KANSL1: variants seen among roughly 807,000 people sequenced by gnomAD.
KANSL1 encodes the protein KAT8 regulatory NSL complex subunit 1.
KANSL1 carries 22 observed loss-of-function variants against 103.6 expected under a neutral mutation model. That is an observed-to-expected ratio of 0.21 (90% CI 0.15 to 0.30). KANSL1 has a LOEUF of 0.30. KANSL1 is among the 10% of genes least tolerant of loss of function. KANSL1 has a pLI of 1.00. For missense variants in KANSL1, 1,337 were observed against 1,399.8 expected (o/e 0.96, Z 0.72); for synonymous variants, 600 against 527.6 (o/e 1.14, Z -1.88).
chr17:46,221,287 C>G (rs1441443572), intron 1 of KANSL1: 3 of 152,062 alleles, frequency 2.0e-5, no homozygotes, highest in East Asian at 3.8e-4. Context: ...TGGCTCCATG[C>G]TACACACTAA....
At chr17:46,072,168 G>C (rs1056287832) in intron 4 of KANSL1, among the ~76,000 whole-genome samples, 1 of 151,942 alleles carries the variant, frequency 6.6e-6, no homozygotes, top group Non-Finnish European at 1.5e-5. Context: ...TTTTTACGGG[G>C]GTCGTTTTTT....
chr17:46,042,384 G>GTC (rs2077357258), intron 7 of KANSL1: 1 of 152,154 alleles, frequency 6.6e-6, no homozygotes, highest in Admixed American at 6.5e-5. Context: ...CTTAATCTTT[G>GTC]TAACAGTTCC....
chr17:46,164,687 T>C (rs2045909062), intron 2 of KANSL1, among the ~76,000 whole-genome samples: 1 of 152,250 alleles, frequency 6.6e-6, no homozygotes, highest in Non-Finnish European at 1.5e-5. Context: ...AGTGCTTTGC[T>C]GGGTTCTTTG....
At chr17:46,060,917 A>G (rs2146594362) in intron 6 of KANSL1, among the ~76,000 whole-genome samples, 1 of 152,312 alleles carries the variant, frequency 6.6e-6, no homozygotes, top group South Asian at 2.1e-4. Context: ...TTTGGCCCAG[A>G]GCAATCCCCC....
chr17:46,127,253 A>G (rs534029359), intron 2 of KANSL1, among the ~76,000 whole-genome samples: 51 of 152,266 alleles, frequency 3.3e-4, no homozygotes, highest in Non-Finnish European at 6.0e-4. Flanking sequence ...TGTTCTCTTC[A>G]GGATCTTCCT....
At position 46,056,429 on chromosome 17, in the gene KANSL1, G is replaced by A. The variant is rs567179028; in HGVS notation, c.1849-5725C>T. Among the ~76,000 whole-genome samples, 23 of 151,330 alleles carry A rather than the reference G, an allele frequency of 1.5e-4. 2 individuals carry two copies. In the South Asian group the frequency reaches 4.6e-3, roughly 30 times the overall value. ...CTGCCTGGGTTTGAACCTTGACTCCGCCACTTACTAGCTGTGTGGCCTTAA... is the reference window on the plus strand; with the variant it reads ...CTGCCTGGGTTTGAACCTTGACTCCACCACTTACTAGCTGTGTGGCCTTAA... On this transcript the variant is annotated intron_variant, in intron 6 of 14. Transcript: ENST00000432791.
intron 3 of KANSL1, 60 bp from the exon 4 acceptor site, chr17:46,082,602 TA>T: frequency 1.0e-6 from 1 of 982,888 alleles, no homozygotes; most frequent in Non-Finnish European, 1.6e-6. Flanking sequence ...AAATTTAATT[TA>T]GGAGTTAAGT....
At chr17:46,114,102 T>C (rs9916400) in intron 2 of KANSL1, among the ~76,000 whole-genome samples, 4,469 of 152,292 alleles carry the variant, frequency 0.029, 183 homozygotes, top group African/African-American at 0.09. Context: ...GGCTCACGCC[T>C]GTAATCCCAG....
At chr17:46,111,062 T>C (rs1325622770) in intron 2 of KANSL1, among the ~76,000 whole-genome samples, 3 of 152,236 alleles carry the variant, frequency 2.0e-5, no homozygotes, top group Non-Finnish European at 2.9e-5. Flanking sequence ...TTGTAGTTTT[T>C]TTCCCTTAAA....
intron 4 of KANSL1, 110 bp from the exon 5 acceptor site, chr17:46,067,777 T>C (rs587599122): frequency 3.1e-6 from 2 of 645,622 alleles, no homozygotes; most frequent in East Asian, 5.3e-5. Flanking sequence ...GATGATCAAT[T>C]TGAAAAACAC....
In KANSL1 at chr17:46,062,193, T is replaced by C. The variant is rs148790545; in HGVS notation, c.1848+4344A>G. Among the ~76,000 whole-genome samples, 25 of 146,208 alleles carry C rather than the reference T, an allele frequency of 1.7e-4. 1 individual carries two copies. In the East Asian group the frequency reaches 4.3e-3, roughly 25 times the overall value. On this transcript the variant is annotated intron_variant, in intron 6 of 14. Coordinates refer to ENST00000432791, the MANE Select transcript of KANSL1 (RefSeq NM_015443.4). The stretch of plus-strand genomic sequence containing the variant: ...CTTACAACACTTCTCTGCTCAAAAA[T>C]TTAAAACTTATAGACTGAAACCCAA...
chr17:46,141,981 C>G (rs2044444688), intron 2 of KANSL1, among the ~76,000 whole-genome samples: 1 of 152,164 alleles, frequency 6.6e-6, no homozygotes, highest in Non-Finnish European at 1.5e-5. Context: ...CTCCACCTAC[C>G]AGGTTCAAGC....
chr17:46,091,007 A>C (rs1478846895), intron 3 of KANSL1, among the ~76,000 whole-genome samples: 1 of 152,234 alleles, frequency 6.6e-6, no homozygotes, highest in East Asian at 1.9e-4. Context: ...CTACTCATTA[A>C]AAGAAGTGAA....
At chr17:46,132,345 A>G (rs1465468717) in intron 2 of KANSL1, among the ~76,000 whole-genome samples, 1 of 152,252 alleles carries the variant, frequency 6.6e-6, no homozygotes, top group Non-Finnish European at 1.5e-5. Context: ...CGCTTTGCAC[A>G]ATGCCTGGCA....
chr17:46,213,953 C>T (rs2048256676), intron 1 of KANSL1, among the ~76,000 whole-genome samples: 1 of 151,886 alleles, frequency 6.6e-6, no homozygotes, highest in South Asian at 2.1e-4. Flanking sequence ...ACTAATGTCA[C>T]AAACAATTCT....
chr17:46,148,391 T>C (rs970028381), intron 2 of KANSL1, among the ~76,000 whole-genome samples: 4 of 152,250 alleles, frequency 2.6e-5, no homozygotes, highest in East Asian at 1.9e-4. Flanking sequence ...TATCACCTGG[T>C]TGGACCATGA....
chr17:46,118,293 A>AAC (rs1388567651), intron 2 of KANSL1, among the ~76,000 whole-genome samples: 1 of 152,274 alleles, frequency 6.6e-6, no homozygotes, highest in African/African-American at 2.4e-5. Context: ...ATTGCACACA[A>AAC]ACACAAGATC....
intron 2 of KANSL1, among the ~76,000 whole-genome samples, chr17:46,134,352 G>A (rs543879143): frequency 2.0e-5 from 3 of 152,018 alleles, no homozygotes; most frequent in Non-Finnish European, 4.4e-5. Flanking sequence ...AGCTGAGGTC[G>A]CGCCACTGCA....
At chr17:46,064,653 T>C (rs1401316529) in intron 6 of KANSL1, among the ~76,000 whole-genome samples, 1 of 152,096 alleles carries the variant, frequency 6.6e-6, no homozygotes, top group Admixed American at 6.6e-5. Flanking sequence ...TCCAAAACAC[T>C]TTCTCCCCTT....
Sources: allele counts gnomAD v4.1 joint callset (sites outside exome capture counted in the v4.1 genomes callset), GRCh38; gene constraint gnomAD v4.1.1; transcripts MANE v1.5; gene names NCBI Gene and HGNC (gene_info 2026-07-23, HGNC 2026-07-21).